PRKX: variants seen among roughly 807,000 people sequenced by gnomAD.
PRKX encodes cAMP-dependent protein kinase catalytic subunit PRKX.
Under a neutral mutation model 22.0 loss-of-function variants are expected in PRKX, and 12 were observed. The observed-to-expected ratio is 0.54, with a 90% CI of 0.35 to 0.88. The LOEUF is 0.88. Among genes scored for constraint, PRKX ranks in the 40% least tolerant of loss-of-function variants. The pLI is 0.01. For synonymous variants in PRKX, 134 were observed against 137.7 expected (o/e 0.97, Z 0.19); for missense variants, 217 against 308.0 (o/e 0.70, Z 2.21).
chrX:3,693,752 G>A (rs1050008783), intron 1 of PRKX, among the ~76,000 whole-genome samples: 4 of 108,077 alleles, frequency 3.7e-5, no homozygotes, highest in East Asian at 5.9e-4. Context: ...CCTGGCTAAC[G>A]AGGTGAAACC....
chrX:3,648,657 T>TGTGTGTGA (rs1423032631), intron 3 of PRKX, among the ~76,000 whole-genome samples: 186 of 101,705 alleles, frequency 1.8e-3, no homozygotes, highest in Non-Finnish European at 3.0e-3. Flanking sequence ...TGTGTGTGTG[T>TGTGTGTGA]GAAAGGGGTA....
intron 1 of PRKX, among the ~76,000 whole-genome samples, chrX:3,690,402 C>T (rs746495438): frequency 1.1e-4 from 12 of 112,439 alleles, no homozygotes; most frequent in African/African-American, 3.2e-5. Context: ...CTACACTCTC[C>T]GATGTACAGT....
chrX:3,708,282 G>A (rs746118725), intron 1 of PRKX, among the ~76,000 whole-genome samples: 35 of 111,174 alleles, frequency 3.1e-4, no homozygotes, highest in African/African-American at 1.0e-3. Context: ...CTTCATCTTG[G>A]ACCTCCAGCC....
intron 1 of PRKX, among the ~76,000 whole-genome samples, chrX:3,698,121 T>C (rs1016729351): frequency 4.5e-5 from 5 of 111,736 alleles, no homozygotes; most frequent in Non-Finnish European, 7.5e-5. Context: ...ATCTGAACAT[T>C]TGCCAACATC....
Position 3,617,243 on chromosome X carries a change from T to C in PRKX, c.874-1351A>G, listed in dbSNP as rs949125245. Among the ~76,000 whole-genome samples the C allele has an allele frequency of 1.4e-4, 15 of 110,355 alleles. No individual in the cohort carries two copies. In the East Asian group the frequency reaches 1.7e-3, roughly 12 times the overall value. On this transcript the variant is annotated intron_variant, in intron 6 of 8. Transcript: ENST00000262848. ...TATACACATGTATTATATATATATA[T>C]ACACATATACATATGTACTTTACAC...
At chrX:3,689,597 T>G (rs1004735257) in intron 1 of PRKX, among the ~76,000 whole-genome samples, 24 of 111,934 alleles carry the variant, frequency 2.1e-4, no homozygotes, top group Non-Finnish European at 3.8e-4. Flanking sequence ...GGAGGATCAC[T>G]TGAGCCCAGG....
intron 2 of PRKX, among the ~76,000 whole-genome samples, chrX:3,672,314 G>A (rs746438172): frequency 3.6e-5 from 4 of 111,888 alleles, no homozygotes; most frequent in African/African-American, 1.3e-4. Context: ...AAATATAAAC[G>A]ACTTTGTTCC....
rs1448576336 is a variant in PRKX at position 3,674,698 on chromosome X, C to T, written c.235G>A (p.Val79Met). The T allele has an allele frequency of 2.5e-6, 3 of 1,209,394 alleles. No homozygotes were observed. The highest frequency in any genetic ancestry group is 3.4e-6 in the Non-Finnish European group (3 of 894,702). ...CGGATGACGTCGGGAATGCTCATCA[C>T]CTTGAGGGCGAAGAAATGCTTGGCT... ...KTAKHFFALK[V>M]MSIPDVIRLK... is the part of the protein sequence containing the mutation. Residue 79 changes from valine (V) to methionine (M), a missense_variant, in exon 2 of 9, where the codon GTG (valine) becomes ATG (methionine). Val to Met is a conservative substitution (Grantham distance 21). Coordinates refer to ENST00000262848, the MANE Select transcript of PRKX (RefSeq NM_005044.5).
intron 1 of PRKX, among the ~76,000 whole-genome samples, chrX:3,690,605 G>A (rs1163784060): frequency 4.5e-5 from 5 of 111,519 alleles, no homozygotes; most frequent in Non-Finnish European, 7.5e-5. Flanking sequence ...GGTGGCATGC[G>A]ACTATAGTCC....
chrX:3,657,408 A>G (rs763842387), intron 2 of PRKX, among the ~76,000 whole-genome samples: 1 of 111,589 alleles, frequency 9.0e-6, no homozygotes, highest in South Asian at 3.8e-4. Flanking sequence ...GGACACAGGG[A>G]GAAGACAGCG....
intron 1 of PRKX, among the ~76,000 whole-genome samples, chrX:3,706,948 T>C (rs1928697360): frequency 9.0e-6 from 1 of 111,036 alleles, no homozygotes; most frequent in Non-Finnish European, 1.9e-5. Flanking sequence ...AACATAGCAA[T>C]GCCCATCTCT....
chrX:3,674,418 G>A (rs928025118), intron 2 of PRKX, among the ~76,000 whole-genome samples, 180 bp downstream of exon 2: 3 of 111,550 alleles, frequency 2.7e-5, no homozygotes, highest in African/African-American at 9.8e-5. Context: ...ATGGAGGTCA[G>A]GAGCCCTGGA....
intron 1 of PRKX, among the ~76,000 whole-genome samples, chrX:3,680,494 C>T (rs1382496626): frequency 9.0e-6 from 1 of 111,059 alleles, no homozygotes; most frequent in Non-Finnish European, 1.9e-5. Flanking sequence ...AAGACGACCT[C>T]CACACTCCCA....
chrX:3,630,511 G>A (rs954272239), intron 4 of PRKX, among the ~76,000 whole-genome samples: 13 of 111,623 alleles, frequency 1.2e-4, no homozygotes, highest in Admixed American at 1.1e-3. Flanking sequence ...AGTGAGCCGA[G>A]ATCACGCCAC....
chrX:3,666,628 G>A (rs1419954695), intron 2 of PRKX, among the ~76,000 whole-genome samples: 1 of 111,089 alleles, frequency 9.0e-6, no homozygotes, highest in African/African-American at 3.3e-5. Context: ...AATATTAACT[G>A]GGCATGGTGG....
chrX:3,708,462 T>C (rs151131915), intron 1 of PRKX, among the ~76,000 whole-genome samples: 496 of 110,895 alleles, frequency 4.5e-3, no homozygotes, highest in African/African-American at 0.016. Flanking sequence ...AACCTACCAG[T>C]ATAAGCACTT....
chrX:3,624,070 G>C (rs761481314), intron 5 of PRKX, among the ~76,000 whole-genome samples: 2 of 110,955 alleles, frequency 1.8e-5, no homozygotes, highest in Non-Finnish European at 3.8e-5. Flanking sequence ...TAAGAAAAAT[G>C]CCTCATTAAG....
chrX:3,671,442 C>T (rs1476681754), intron 2 of PRKX, among the ~76,000 whole-genome samples: 1 of 111,473 alleles, frequency 9.0e-6, no homozygotes, highest in Non-Finnish European at 1.9e-5. Context: ...TCTCCCAAAA[C>T]ACTGAATAAA....
intron 3 of PRKX, among the ~76,000 whole-genome samples, chrX:3,652,579 G>A (rs1416816117): frequency 1.8e-5 from 2 of 110,330 alleles, no homozygotes; most frequent in African/African-American, 6.6e-5. Context: ...GCGAGACTTC[G>A]TCCCAAAAAA....
Sources: allele counts gnomAD v4.1 joint callset (sites outside exome capture counted in the v4.1 genomes callset), GRCh38; gene constraint gnomAD v4.1.1; transcripts MANE v1.5; gene names NCBI Gene and HGNC (gene_info 2026-07-23, HGNC 2026-07-21).